AGPAT5: variants seen among roughly 807,000 people sequenced by gnomAD.
The protein encoded by AGPAT5 is 1-acyl-sn-glycerol-3-phosphate acyltransferase epsilon.
In AGPAT5, 46 loss-of-function variants were observed where a neutral mutation model predicts 45.6. The observed-to-expected ratio is 1.01, with a 90% CI of 0.80 to 1.29. AGPAT5 has a LOEUF of 1.29. AGPAT5 is among the 50% of genes most tolerant of loss of function. AGPAT5 has a pLI of 0.00. For synonymous variants in AGPAT5, 272 were observed against 167.0 expected (o/e 1.63, Z -4.85); for missense variants, 673 against 450.7 (o/e 1.49, Z -4.47).
At chr8:6,711,514 A>C (rs1159255472) in intron 1 of AGPAT5, among the ~76,000 whole-genome samples, 1 of 152,168 alleles carries the variant, frequency 6.6e-6, no homozygotes, top group Non-Finnish European at 1.5e-5. Context: ...AAGCTTTTTT[A>C]TATTTCACGT....
chr8:6,752,471 T>A (rs1459133501), intron 6 of AGPAT5, among the ~76,000 whole-genome samples: 1 of 152,188 alleles, frequency 6.6e-6, no homozygotes, highest in Non-Finnish European at 1.5e-5. Context: ...AACTTTTTTT[T>A]AAAGGCTATA....
At chr8:6,733,424 T>G (rs1198228635) in intron 4 of AGPAT5, among the ~76,000 whole-genome samples, 1 of 152,246 alleles carries the variant, frequency 6.6e-6, no homozygotes, top group Non-Finnish European at 1.5e-5. Context: ...CACGGTCAGC[T>G]GGCGAAGTGC....
At chr8:6,742,864 G>C (rs929035863) in intron 5 of AGPAT5, among the ~76,000 whole-genome samples, 1 of 152,142 alleles carries the variant, frequency 6.6e-6, no homozygotes, top group East Asian at 1.9e-4. Flanking sequence ...CTCCCCATCT[G>C]CCAGCTCTCT....
chr8:6,714,063 T>C (rs934077437), intron 1 of AGPAT5, among the ~76,000 whole-genome samples: 5 of 152,238 alleles, frequency 3.3e-5, no homozygotes, highest in Admixed American at 3.3e-4. Context: ...ATAAGTCATC[T>C]AGTCTACTCC....
chr8:6,744,773 C>T (rs939680755), intron 5 of AGPAT5, among the ~76,000 whole-genome samples: 2 of 152,216 alleles, frequency 1.3e-5, no homozygotes, highest in South Asian at 2.1e-4. Context: ...CTGCAGCTTG[C>T]AGGGCCTTCT....
chr8:6,741,058 G>A (rs963608305), intron 4 of AGPAT5, among the ~76,000 whole-genome samples: 2 of 152,172 alleles, frequency 1.3e-5, no homozygotes, highest in African/African-American at 2.4e-5. Context: ...TAAACGTCCA[G>A]CTTGATATTC....
At chr8:6,720,665 GA>G (rs1315459291) in intron 1 of AGPAT5, among the ~76,000 whole-genome samples, 2 of 152,190 alleles carry the variant, frequency 1.3e-5, no homozygotes, top group African/African-American at 2.4e-5. Context: ...AAAAATTAGA[GA>G]GTCATCAATC....
chr8:6,744,504 C>G (rs1199948196), intron 5 of AGPAT5, among the ~76,000 whole-genome samples: 4 of 152,116 alleles, frequency 2.6e-5, no homozygotes, highest in African/African-American at 9.7e-5. Flanking sequence ...GGCTGCAGTC[C>G]TTTGTGGAGG....
intron 6 of AGPAT5, among the ~76,000 whole-genome samples, chr8:6,753,444 T>A (rs1383040995): frequency 2.0e-5 from 3 of 152,168 alleles, no homozygotes; most frequent in African/African-American, 7.2e-5. Flanking sequence ...TTTTTATGTG[T>A]CAGAAATAGA....
chr8:6,718,263 G>A (rs776271216), intron 1 of AGPAT5, among the ~76,000 whole-genome samples: 3 of 152,212 alleles, frequency 2.0e-5, no homozygotes, highest in Non-Finnish European at 4.4e-5. Context: ...GGCCATGGCA[G>A]TTCCACAGCA....
chr8:6,754,425 TAGAG>T (rs1001907847), intron 6 of AGPAT5, among the ~76,000 whole-genome samples: 10 of 152,234 alleles, frequency 6.6e-5, no homozygotes, highest in African/African-American at 1.9e-4. Context: ...ATGGCCAAGT[TAGAG>T]AGGAGGGGCA....
In AGPAT5 at chr8:6,759,353, T is replaced by C. The variant is rs1301389182; in HGVS notation, c.*1965T>C. The C allele has an allele frequency of 6.6e-6, 1 of 152,200 alleles. No homozygotes were observed. Among genetic ancestry groups the C allele is most frequent in the Non-Finnish European group, 1.5e-5 (1 of 68,040 alleles). The allele number at this position is 152,200 out of a possible 1,614,324, so 9.4% of individuals were successfully genotyped here. ...GTTAGGTTTCATAGAACTATACTAATCTTCTCACAAAAGGTCTATAAAATA... is the reference window on the plus strand; with the variant it reads ...GTTAGGTTTCATAGAACTATACTAACCTTCTCACAAAAGGTCTATAAAATA... On this transcript the variant is annotated 3_prime_UTR_variant, in exon 8 of 8. Coordinates refer to ENST00000285518, the MANE Select transcript of AGPAT5 (RefSeq NM_018361.5).
chr8:6,711,043 A>C (rs1800140804), intron 1 of AGPAT5, among the ~76,000 whole-genome samples: 1 of 152,124 alleles, frequency 6.6e-6, no homozygotes, highest in Non-Finnish European at 1.5e-5. Context: ...AAGTTTTTAA[A>C]TAAAAGGTTT....
intron 5 of AGPAT5, among the ~76,000 whole-genome samples, chr8:6,743,704 A>G (rs1213958162): frequency 6.6e-6 from 1 of 151,544 alleles, no homozygotes; most frequent in Non-Finnish European, 1.5e-5. Context: ...TCTAATGGTT[A>G]TAAGGGATGT....
intron 6 of AGPAT5, among the ~76,000 whole-genome samples, chr8:6,749,920 G>C (rs1407142822): frequency 6.6e-6 from 1 of 152,214 alleles, no homozygotes; most frequent in Non-Finnish European, 1.5e-5. Context: ...ATGCGTTCCA[G>C]CCGTGATCTC....
intron 1 of AGPAT5, among the ~76,000 whole-genome samples, chr8:6,714,921 G>C (rs1800270903): frequency 6.6e-6 from 1 of 152,200 alleles, no homozygotes; most frequent in South Asian, 2.1e-4. Flanking sequence ...AGTGGAATCA[G>C]AAGTTAACTT....
Position 6,760,028 on chromosome 8 carries a change from C to A in AGPAT5, c.*2640C>A, listed in dbSNP as rs775399202. Among the ~76,000 whole-genome samples the A allele has an allele frequency of 6.6e-6, 1 of 152,104 alleles. No homozygotes were observed. The highest frequency in any genetic ancestry group is 1.5e-5 in the Non-Finnish European group (1 of 68,022). On this transcript the variant is annotated 3_prime_UTR_variant, in exon 8 of 8. Coordinates refer to ENST00000285518, the MANE Select transcript of AGPAT5 (RefSeq NM_018361.5). ...TGATAGTTTTTCATATGTTTCATTT[C>A]CATGTGATTTTTAAAATTTAGAGTG...
rs909415427 is a variant in AGPAT5, at chr8:6,759,185, C to A, written c.*1797C>A. 15 of 152,074 alleles carry A rather than the reference C, an allele frequency of 9.9e-5. No individual in the cohort carries two copies. The highest frequency in any genetic ancestry group is 3.4e-4 in the African/African-American group (14 of 41,400). 9.4% of individuals were successfully genotyped at this position (152,074 alleles called of 1,614,324 possible). ...AGTAAAATTTAGATCAATTCCATGT[C>A]TTTGTTAAGTACAGGGATTTAATAT... On this transcript the variant is annotated 3_prime_UTR_variant, in exon 8 of 8. Transcript: ENST00000285518.
rs146376154 is a variant in AGPAT5 at position 6,728,519 on chromosome 8, T to G, written c.290-2192T>G. 2.9e-3 allele frequency among the ~76,000 whole-genome samples: 446 copies of G among 152,348 alleles called. 3 individuals are homozygous for G. The highest frequency in any genetic ancestry group is 8.3e-3 in the African/African-American group (344 of 41,580). On this transcript the variant is annotated intron_variant, in intron 2 of 7. Transcript: ENST00000285518. ...GCAGCTTATTATGAACATGATGTATTTTGGAAATCTTACACTTTCTCTTAA... is the reference window on the plus strand; with the variant it reads ...GCAGCTTATTATGAACATGATGTATGTTGGAAATCTTACACTTTCTCTTAA...
Sources: allele counts gnomAD v4.1 joint callset (sites outside exome capture counted in the v4.1 genomes callset), GRCh38; gene constraint gnomAD v4.1.1; transcripts MANE v1.5; gene names NCBI Gene and HGNC (gene_info 2026-07-23, HGNC 2026-07-21).